CACNA2D3: variants seen among roughly 807,000 people sequenced by gnomAD.
CACNA2D3 encodes the protein calcium voltage-gated channel auxiliary subunit alpha2delta 3.
In CACNA2D3, 60 loss-of-function variants were observed where a neutral mutation model predicts 160.6. The ratio of observed to expected loss-of-function variants is 0.37; its 90% CI spans 0.30 to 0.46. The LOEUF (loss-of-function observed/expected upper bound fraction) is 0.46, where lower values mean the gene tolerates loss of function less well. Among genes scored for constraint, CACNA2D3 ranks in the 20% least tolerant of loss-of-function variants. CACNA2D3 has a pLI of 1.00. For missense variants in CACNA2D3, 1,205 were observed against 1,365.0 expected (o/e 0.88, Z 1.85); for synonymous variants, 558 against 492.9 (o/e 1.13, Z -1.75).
At chr3:54,677,183 T>A in intron 11 of CACNA2D3, among the ~76,000 whole-genome samples, 1 of 152,228 alleles carries the variant, frequency 6.6e-6, no homozygotes, top group East Asian at 1.9e-4. Context: ...AATTTAAAAC[T>A]GTTGTAACAG....
intron 27 of CACNA2D3, among the ~76,000 whole-genome samples, chr3:54,900,177 C>G (rs1330118743): frequency 6.6e-6 from 1 of 152,188 alleles, no homozygotes; most frequent in Non-Finnish European, 1.5e-5. Flanking sequence ...TCAAAGTAAA[C>G]TCCAGATCTC....
At chr3:54,690,999 T>C (rs1700560334) in intron 11 of CACNA2D3, among the ~76,000 whole-genome samples, 1 of 152,148 alleles carries the variant, frequency 6.6e-6, no homozygotes, top group Non-Finnish European at 1.5e-5. Context: ...CAAGGAAGTA[T>C]GAAGTTTTTT....
chr3:54,411,007 G>T (rs1699659420), intron 4 of CACNA2D3, among the ~76,000 whole-genome samples: 1 of 152,216 alleles, frequency 6.6e-6, no homozygotes, highest in Non-Finnish European at 1.5e-5. Flanking sequence ...AGGGGTTCAA[G>T]ACTTGAGTGA....
intron 12 of CACNA2D3, among the ~76,000 whole-genome samples, chr3:54,761,771 C>T (rs1702084655): frequency 6.6e-6 from 1 of 152,134 alleles, no homozygotes; most frequent in East Asian, 1.9e-4. Context: ...ACAATGCATG[C>T]TAATTAGCAC....
intron 27 of CACNA2D3, among the ~76,000 whole-genome samples, chr3:54,917,762 C>T (rs1700698075): frequency 6.6e-6 from 1 of 152,154 alleles, no homozygotes; most frequent in Non-Finnish European, 1.5e-5. Flanking sequence ...ATGTTATTTA[C>T]CCTTGCATCA....
At chr3:55,064,793 A>G (rs1704599179) in intron 35 of CACNA2D3, among the ~76,000 whole-genome samples, 1 of 152,132 alleles carries the variant, frequency 6.6e-6, no homozygotes, top group African/African-American at 2.4e-5. Flanking sequence ...GGCAATGTTC[A>G]GGGAGGAAGA....
intron 11 of CACNA2D3, among the ~76,000 whole-genome samples, chr3:54,734,703 T>C (rs895584817): frequency 6.6e-6 from 1 of 152,214 alleles, no homozygotes; most frequent in Non-Finnish European, 1.5e-5. Context: ...AGTTGCCAGT[T>C]ATTACAAAAT....
At chr3:54,686,380 G>C (rs1450368978) in intron 11 of CACNA2D3, among the ~76,000 whole-genome samples, 1 of 152,170 alleles carries the variant, frequency 6.6e-6, no homozygotes. Context: ...ACTGCAGATG[G>C]TTCAGATTTT....
chr3:54,769,378 C>G (rs1039005359), intron 13 of CACNA2D3, among the ~76,000 whole-genome samples: 1 of 152,088 alleles, frequency 6.6e-6, no homozygotes, highest in African/African-American at 2.4e-5. Context: ...TTTTAGTAAC[C>G]TGATGTTTTG....
intron 4 of CACNA2D3, among the ~76,000 whole-genome samples, chr3:54,423,923 A>G (rs927234757): frequency 1.4e-5 from 2 of 147,154 alleles, no homozygotes; most frequent in Non-Finnish European, 3.0e-5. Flanking sequence ...ACAGGGTCTG[A>G]CTCTGTCACT....
At chr3:54,510,129 A>G (rs1046927562) in intron 5 of CACNA2D3, among the ~76,000 whole-genome samples, 5 of 151,696 alleles carry the variant, frequency 3.3e-5, no homozygotes, top group Admixed American at 3.3e-4. Context: ...ATGCATAGGT[A>G]GATGGATGGA....
intron 35 of CACNA2D3, among the ~76,000 whole-genome samples, chr3:55,025,634 CAAAAAAAAA>C (rs10717273): frequency 1.6e-5 from 1 of 63,280 alleles, no homozygotes. Flanking sequence ...ACTCTATCTC[CAAAAAAAAA>C]AAAAAAAAAA....
intron 9 of CACNA2D3, among the ~76,000 whole-genome samples, chr3:54,613,832 A>G (rs1698793790): frequency 6.6e-6 from 1 of 152,112 alleles, no homozygotes; most frequent in South Asian, 2.1e-4. Context: ...GTACCTACAA[A>G]CACTATTTCT....
chr3:54,633,730 A>G (rs1699297164), intron 10 of CACNA2D3: 1 of 152,202 alleles, frequency 6.6e-6, no homozygotes, highest in Non-Finnish European at 1.5e-5. Flanking sequence ...AGTAGTACCT[A>G]CCTCAGAGGC....
intron 21 of CACNA2D3, among the ~76,000 whole-genome samples, chr3:54,883,243 C>G (rs1004141699): frequency 2.6e-5 from 4 of 152,256 alleles, no homozygotes; most frequent in Admixed American, 1.3e-4. Context: ...AGACTGGTCT[C>G]GAACTCCTGA....
chr3:54,433,982 C>T (rs550691495), intron 4 of CACNA2D3, among the ~76,000 whole-genome samples: 91 of 152,272 alleles, frequency 6.0e-4, no homozygotes, highest in African/African-American at 2.0e-3. Flanking sequence ...GTGGTGTCAG[C>T]GGAAATGAGC....
chr3:54,541,968 G>T (rs1458363203), intron 5 of CACNA2D3, among the ~76,000 whole-genome samples: 2 of 151,266 alleles, frequency 1.3e-5, no homozygotes, highest in Non-Finnish European at 2.9e-5. Context: ...ATTTTTGCAA[G>T]TTTTTTGATG....
At chr3:54,706,580 G>C (rs1700861165) in intron 11 of CACNA2D3, among the ~76,000 whole-genome samples, 1 of 152,170 alleles carries the variant, frequency 6.6e-6, no homozygotes, top group Non-Finnish European at 1.5e-5. Flanking sequence ...ATTGAGACCA[G>C]CTGTCCTTGA....
chr3:54,585,578 A>G (rs1702746575), intron 9 of CACNA2D3, among the ~76,000 whole-genome samples: 1 of 152,144 alleles, frequency 6.6e-6, no homozygotes, highest in African/African-American at 2.4e-5. Context: ...AATGGACCCA[A>G]GTTCCACGTA....
Sources: allele counts gnomAD v4.1 joint callset (sites outside exome capture counted in the v4.1 genomes callset), GRCh38; gene constraint gnomAD v4.1.1; transcripts MANE v1.5; gene names NCBI Gene and HGNC (gene_info 2026-07-23, HGNC 2026-07-21).